ADAMTS18: variants seen among roughly 807,000 people sequenced by gnomAD.
The protein encoded by ADAMTS18 is A disintegrin and metalloproteinase with thrombospondin motifs 18.
ADAMTS18 carries 157 observed loss-of-function variants against 165.9 expected under a neutral mutation model. The ratio of observed to expected loss-of-function variants is 0.95; its 90% CI spans 0.83 to 1.08. The LOEUF is 1.08. Among genes scored for constraint, ADAMTS18 ranks in the 50% least tolerant of loss-of-function variants. The probability of loss-of-function intolerance (pLI) is 0.00; values close to 1 mark genes in which losing one functional copy is unlikely to be tolerated. For missense variants in ADAMTS18, 2,040 were observed against 1,534.0 expected (o/e 1.33, Z -5.51); for synonymous variants, 782 against 578.2 (o/e 1.35, Z -5.06).
At chr16:77,383,850 G>A (rs1226131810) in intron 3 of ADAMTS18, among the ~76,000 whole-genome samples, 2 of 152,106 alleles carry the variant, frequency 1.3e-5, no homozygotes. Context: ...CCAAAAAGCT[G>A]ACTGGGGAAA....
At chr16:77,392,067 A>C (rs1460196529) in intron 3 of ADAMTS18, among the ~76,000 whole-genome samples, 7 of 152,132 alleles carry the variant, frequency 4.6e-5, no homozygotes, top group South Asian at 2.1e-4. Flanking sequence ...AAATCGAACA[A>C]CACCAAGACA....
At chr16:77,321,605 A>G (rs879335869) in intron 14 of ADAMTS18, among the ~76,000 whole-genome samples, 1 of 152,238 alleles carries the variant, frequency 6.6e-6, no homozygotes, top group Non-Finnish European at 1.5e-5. Context: ...GGAAGAGAAA[A>G]TGAGCACTCA....
intron 3 of ADAMTS18, among the ~76,000 whole-genome samples, chr16:77,415,101 T>C (rs866682454): frequency 6.6e-6 from 1 of 152,204 alleles, no homozygotes; most frequent in African/African-American, 2.4e-5. Flanking sequence ...ATATTGACAA[T>C]GCTAGATGCC....
In ADAMTS18 at chr16:77,325,946, C is replaced by A. The variant is rs866074735; in HGVS notation, c.1952G>T (p.Arg651Leu). Residue 651 changes from arginine (R) to leucine (L), a missense_variant, in exon 13 of 23, where the codon CGG (arginine) becomes CTG (leucine). Physicochemically the swap from Arg to Leu is moderately radical, Grantham distance 102. Coordinates refer to ENST00000282849, the MANE Select transcript of ADAMTS18 (RefSeq NM_199355.4). Reference protein sequence around the residue: ...NPCNENSLDFRAQQCAEYNSK... With the variant: ...NPCNENSLDFLAQQCAEYNSK... ...GTTATATTCTGCACACTGTTGAGCC[C>A]GAAAATCCAAGCTATTTTCATTGCA... 1 of 1,613,788 alleles carries A rather than the reference C, an allele frequency of 6.2e-7. No homozygotes were observed. Among genetic ancestry groups the A allele is most frequent in the Non-Finnish European group, 8.5e-7 (1 of 1,179,962 alleles).
At position 77,364,178 on chromosome 16, in the gene ADAMTS18, C is replaced by T. The variant is rs1345692561; in HGVS notation, c.972+10G>A. 2 of 1,613,956 alleles carry T rather than the reference C, an allele frequency of 1.2e-6. No individual in the cohort carries two copies. Among genetic ancestry groups the T allele is most frequent in the East Asian group, 2.2e-5 (1 of 44,864 alleles). ...TGGAGAGCCAGAAGGTTTGTGACAC[C>T]CCCGCTTACCATGTTCATTACTGTG... On this transcript the variant is annotated intron_variant, in intron 5 of 22. Coordinates refer to ENST00000282849, the MANE Select transcript of ADAMTS18 (RefSeq NM_199355.4).
At chr16:77,427,573 C>G (rs1263132013) in intron 3 of ADAMTS18, among the ~76,000 whole-genome samples, 1 of 152,140 alleles carries the variant, frequency 6.6e-6, no homozygotes. Flanking sequence ...ATCCTAGCAC[C>G]TTCACAGATT....
Position 77,326,076 on chromosome 16 carries a change from A to C in ADAMTS18, c.1860-38T>G, listed in dbSNP as rs1030952157. 6.3e-6 allele frequency: 10 copies of C among 1,590,438 alleles called. No homozygotes were observed. The African/African-American group carries it at 1.2e-4, about 19-fold the overall frequency. Reference sequence around the variant, plus strand: ...TTAATGAACTTTAATGTTAGTAATCAAAGGGCTCATTATTAGTCACATGCA... The same window carrying C: ...TTAATGAACTTTAATGTTAGTAATCCAAGGGCTCATTATTAGTCACATGCA... On this transcript the variant is annotated intron_variant, in intron 12 of 22. Transcript: ENST00000282849.
chr16:77,376,365 T>G (rs926218874), intron 3 of ADAMTS18, among the ~76,000 whole-genome samples: 1 of 152,092 alleles, frequency 6.6e-6, no homozygotes, highest in African/African-American at 2.4e-5. Context: ...CCTCCAACAC[T>G]GGGAATTACA....
chr16:77,361,417 C>A (rs1042788236), intron 7 of ADAMTS18, among the ~76,000 whole-genome samples: 1 of 152,166 alleles, frequency 6.6e-6, no homozygotes, highest in African/African-American at 2.4e-5. Context: ...ACTTCAAAGT[C>A]AAGTAACTTC....
At chr16:77,417,745 T>C (rs1006098995) in intron 3 of ADAMTS18, among the ~76,000 whole-genome samples, 1 of 152,172 alleles carries the variant, frequency 6.6e-6, no homozygotes, top group Non-Finnish European at 1.5e-5. Context: ...TAAAGTATAA[T>C]AATAATCATC....
At chr16:77,314,821 G>A (rs2055858249) in intron 16 of ADAMTS18, among the ~76,000 whole-genome samples, 2 of 110,918 alleles carry the variant, frequency 1.8e-5, no homozygotes, top group African/African-American at 7.0e-5. Context: ...GCAAAATAAT[G>A]GCAATAGTAA....
chr16:77,427,749 C>T (rs1002471824), intron 3 of ADAMTS18, among the ~76,000 whole-genome samples: 5 of 152,228 alleles, frequency 3.3e-5, no homozygotes, highest in Admixed American at 6.5e-5. Context: ...TAAGTAACAA[C>T]TACCTCAATT....
chr16:77,360,198 A>G lies in ADAMTS18; in HGVS notation c.1217-775T>C, dbSNP rs143557216. ...AGTGAGATCAGCTGGGAAATCTAAT[A>G]CAAAGGCACAAATAAGGGGTGGGAT... On this transcript the variant is annotated intron_variant, in intron 7 of 22. Coordinates refer to ENST00000282849, the MANE Select transcript of ADAMTS18 (RefSeq NM_199355.4). 1.3e-4 allele frequency among the ~76,000 whole-genome samples: 20 copies of G among 152,340 alleles called. No homozygotes were observed. The East Asian group carries it at 3.9e-3, about 29-fold the overall frequency.
intron 22 of ADAMTS18, among the ~76,000 whole-genome samples, chr16:77,285,942 C>T (rs921144245): frequency 6.6e-6 from 1 of 152,226 alleles, no homozygotes; most frequent in African/African-American, 2.4e-5. Flanking sequence ...TTCACCTTAA[C>T]TGCCAGTAAT....
intron 22 of ADAMTS18, among the ~76,000 whole-genome samples, chr16:77,285,956 C>T (rs769285143): frequency 6.6e-6 from 1 of 152,206 alleles, no homozygotes; most frequent in Non-Finnish European, 1.5e-5. Flanking sequence ...CAGTAATCTT[C>T]CTAAAGCTAG....
intron 3 of ADAMTS18, among the ~76,000 whole-genome samples, chr16:77,426,719 T>C (rs2057677534): frequency 1.3e-5 from 2 of 152,312 alleles, no homozygotes; most frequent in African/African-American, 4.8e-5. Flanking sequence ...GGCTAATAGT[T>C]GTCCAATGAA....
intron 4 of ADAMTS18, among the ~76,000 whole-genome samples, chr16:77,364,777 G>C (rs1225388711): frequency 6.7e-6 from 1 of 149,424 alleles, no homozygotes; most frequent in East Asian, 2.0e-4. Flanking sequence ...GAAAGCAAAG[G>C]AAAGCAAAGC....
intron 16 of ADAMTS18, among the ~76,000 whole-genome samples, chr16:77,309,381 A>T (rs1202840542): frequency 6.6e-6 from 1 of 152,158 alleles, no homozygotes; most frequent in African/African-American, 2.4e-5. Flanking sequence ...AATCATACAA[A>T]TCCTTGATTA....
Position 77,300,258 on chromosome 16 carries a change from T to C in ADAMTS18, c.2674+5A>G, listed in dbSNP as rs779457267. 3 of 1,614,064 alleles carry C rather than the reference T, an allele frequency of 1.9e-6. No individual in the cohort carries two copies. In the South Asian group the frequency reaches 3.3e-5, roughly 18 times the overall value. ...CTTTGGAGACAGAATGAGAAAATCA[T>C]CTACCTCCACCACAGGAGACGGAGC... On this transcript the variant is annotated splice_donor_5th_base_variant and intron_variant, in intron 17 of 22. Coordinates refer to ENST00000282849, the MANE Select transcript of ADAMTS18 (RefSeq NM_199355.4).
Sources: gnomAD v4.1 joint callset for allele counts (sites outside exome capture counted in the v4.1 genomes callset) on GRCh38, gnomAD v4.1.1 for gene constraint, MANE v1.5 for transcripts, NCBI Gene and HGNC (gene_info 2026-07-23, HGNC 2026-07-21) for gene names.